The following FLVCR2 variants were observed in gnomAD, a reference collection of about 807,000 sequenced individuals.
The protein encoded by FLVCR2 is choline/ethanolamine transporter FLVCR2.
In FLVCR2, 38 loss-of-function variants were observed where a neutral mutation model predicts 48.9. The ratio of observed to expected loss-of-function variants is 0.78; its 90% confidence interval spans 0.60 to 1.02. The LOEUF (loss-of-function observed/expected upper bound fraction) is 1.02, where lower values mean the gene tolerates loss of function less well. Among genes scored for constraint, FLVCR2 ranks in the 50% least tolerant of loss-of-function variants. The pLI is 0.00. For missense variants in FLVCR2, 664 were observed against 663.3 expected (o/e 1.00, Z -0.01); for synonymous variants, 255 against 257.0 (o/e 0.99, Z 0.07).
intron 3 of FLVCR2, among the ~76,000 whole-genome samples, chr14:75,629,895 G>C (rs1244192666): frequency 6.6e-6 from 1 of 152,096 alleles, no homozygotes; most frequent in African/African-American, 2.4e-5. Context: ...CCTTCCCTTG[G>C]GGCTCTCAGC....
At chr14:75,615,739 G>A (rs1008656110) in intron 1 of FLVCR2, among the ~76,000 whole-genome samples, 1 of 151,946 alleles carries the variant, frequency 6.6e-6, no homozygotes, top group African/African-American at 2.4e-5. Context: ...CATAAGGCCG[G>A]CTGGGCGTCA....
At chr14:75,584,542 T>A (rs1888693825) in intron 1 of FLVCR2, among the ~76,000 whole-genome samples, 1 of 152,236 alleles carries the variant, frequency 6.6e-6, no homozygotes, top group Admixed American at 6.5e-5. Context: ...TTGTCATAAT[T>A]AACAGCTTCG....
At chr14:75,643,409 C>CT (rs1890348972) in intron 9 of FLVCR2, among the ~76,000 whole-genome samples, 1 of 152,158 alleles carries the variant, frequency 6.6e-6, no homozygotes, top group Non-Finnish European at 1.5e-5. Context: ...TAGAAAGGTA[C>CT]TTTGAGTACT....
Position 75,579,571 on chromosome 14 carries a change from G to T in FLVCR2, c.599G>T (p.Arg200Leu). The change falls in exon 1 of 10, where the codon CGC (arginine) becomes CTC (leucine). Residue 200 changes from arginine to leucine, a missense_variant. Coordinates refer to ENST00000238667, the MANE Select transcript of FLVCR2 (RefSeq NM_017791.3). The part of the protein sequence containing the change: ...AQVFILGMPS[R>L]IASVWFGANE... ...GTTTTCATCCTGGGCATGCCCTCCC[G>T]CATCGCTTCCGTCTGGTTCGGGGCT... 6.2e-7 allele frequency: 1 copy of T among 1,613,944 alleles called. No homozygotes were observed. The highest frequency in any genetic ancestry group is 8.5e-7 in the Non-Finnish European group (1 of 1,180,036).
At chr14:75,606,641 C>T (rs1425264380) in intron 1 of FLVCR2, among the ~76,000 whole-genome samples, 2 of 152,164 alleles carry the variant, frequency 1.3e-5, no homozygotes, top group Non-Finnish European at 2.9e-5. Context: ...TGAGCCCCTG[C>T]ACCAGAACCA....
intron 2 of FLVCR2, 45 bp from the exon 3 acceptor site, chr14:75,624,567 T>C (rs1566792982): frequency 6.2e-7 from 1 of 1,613,366 alleles, no homozygotes; most frequent in Non-Finnish European, 8.5e-7. Flanking sequence ...TCTTCTGGGG[T>C]GGGACCATGG....
chr14:75,604,938 G>T (rs10483871), intron 1 of FLVCR2, among the ~76,000 whole-genome samples: 2 of 152,024 alleles, frequency 1.3e-5, no homozygotes, highest in African/African-American at 4.8e-5. Context: ...TGAAGACTTT[G>T]GAGACTCTGG....
intron 1 of FLVCR2, 143 bp from the exon 2 acceptor site, chr14:75,621,936 T>C (rs1165792542): frequency 1.1e-6 from 1 of 903,638 alleles, no homozygotes; most frequent in South Asian, 1.3e-5. Context: ...CTCTGGTGTT[T>C]TGAGGTGAGA....
At chr14:75,597,006 G>T (rs1341713936) in intron 1 of FLVCR2, among the ~76,000 whole-genome samples, 1 of 152,132 alleles carries the variant, frequency 6.6e-6, no homozygotes, top group Non-Finnish European at 1.5e-5. Context: ...TGAACATCAG[G>T]CATGGTGGCA....
At chr14:75,585,335 G>A (rs779760695) in intron 1 of FLVCR2, among the ~76,000 whole-genome samples, 22 of 152,302 alleles carry the variant, frequency 1.4e-4, no homozygotes, top group Admixed American at 9.2e-4. Context: ...TGGACAGATC[G>A]AAAGTGCCAT....
chr14:75,580,826 C>G (rs1304177895), intron 1 of FLVCR2, among the ~76,000 whole-genome samples: 1 of 152,174 alleles, frequency 6.6e-6, no homozygotes, highest in African/African-American at 2.4e-5. Flanking sequence ...AGGCTATTTT[C>G]ACTTTTTTTG....
intron 1 of FLVCR2, among the ~76,000 whole-genome samples, chr14:75,583,232 G>A (rs377744525): frequency 3.3e-5 from 5 of 152,150 alleles, no homozygotes; most frequent in South Asian, 2.1e-4. Context: ...TTGGCACCAC[G>A]GACTGGATAG....
intron 1 of FLVCR2, among the ~76,000 whole-genome samples, chr14:75,592,980 G>T (rs1168962258): frequency 5.3e-5 from 8 of 152,140 alleles, no homozygotes; most frequent in Non-Finnish European, 8.8e-5. Flanking sequence ...CCAAATAAAC[G>T]CTACTTTCCT....
At chr14:75,595,219 A>G (rs1253086025) in intron 1 of FLVCR2, among the ~76,000 whole-genome samples, 1 of 152,204 alleles carries the variant, frequency 6.6e-6, no homozygotes, top group Non-Finnish European at 1.5e-5. Context: ...ATTCATTACT[A>G]AGTCTTTGGA....
At position 75,639,405 on chromosome 14, in the gene FLVCR2, C is replaced by T. The variant is rs747973190; in HGVS notation, c.1178C>T (p.Thr393Met). The T allele has an allele frequency of 2.5e-5, 40 of 1,613,976 alleles. No individual in the cohort carries two copies. The highest frequency in any genetic ancestry group is 2.0e-4 in the Admixed American group (12 of 60,008). Residue 393 changes from threonine to methionine, a missense_variant, in exon 6 of 10, where the codon ACG (threonine) becomes ATG (methionine). By Grantham distance (81) the Thr-to-Met change is moderately conservative (BLOSUM62 -1). Coordinates refer to ENST00000238667, the MANE Select transcript of FLVCR2 (RefSeq NM_017791.3). ...ACACTGGTGGGCATGGTGGTGTACACGTTTACCTTGAACCTGGGACACCTG... is the reference window on the plus strand; with the variant it reads ...ACACTGGTGGGCATGGTGGTGTACATGTTTACCTTGAACCTGGGACACCTG... ...IMTLVGMVVY[T>M]FTLNLGHLWV...
At chr14:75,633,763 C>A in intron 4 of FLVCR2, 67 bp downstream of exon 4, 1 of 1,211,206 alleles carries the variant, frequency 8.3e-7, no homozygotes, top group Non-Finnish European at 1.2e-6. Flanking sequence ...CTTGGCAGGA[C>A]CTGGGATGAC....
intron 3 of FLVCR2, among the ~76,000 whole-genome samples, chr14:75,627,042 G>T (rs1889915931): frequency 6.6e-6 from 1 of 151,916 alleles, no homozygotes; most frequent in Non-Finnish European, 1.5e-5. Context: ...ATGAGAACAA[G>T]AAACAGAGAC....
intron 1 of FLVCR2, among the ~76,000 whole-genome samples, chr14:75,610,701 G>A (rs1889420535): frequency 6.6e-6 from 1 of 152,218 alleles, no homozygotes; most frequent in East Asian, 1.9e-4. Context: ...TGCCTAGTAT[G>A]CAGCAGGTGC....
chr14:75,595,216 A>G (rs528328645), intron 1 of FLVCR2, among the ~76,000 whole-genome samples: 2 of 152,342 alleles, frequency 1.3e-5, no homozygotes, highest in South Asian at 2.1e-4. Context: ...TACATTCATT[A>G]CTAAGTCTTT....
Sources: gnomAD v4.1 joint callset for allele counts (sites outside exome capture counted in the v4.1 genomes callset) on GRCh38, gnomAD v4.1.1 for gene constraint, MANE v1.5 for transcripts, NCBI Gene and HGNC (gene_info 2026-07-23, HGNC 2026-07-21) for gene names.